PCDHA12: variants seen among roughly 807,000 people sequenced by gnomAD.
PCDHA12 encodes protocadherin alpha-12.
A neutral mutation model predicts 60.0 loss-of-function variants in PCDHA12; 44 were observed. That is an observed-to-expected ratio of 0.73 (90% CI 0.58 to 0.94). The LOEUF is 0.94. PCDHA12 is among the 40% of genes least tolerant of loss of function. The probability of loss-of-function intolerance (pLI) is 0.00; values close to 1 mark genes in which losing one functional copy is unlikely to be tolerated. For missense variants in PCDHA12, 1,276 were observed against 1,239.7 expected (o/e 1.03, Z -0.44); for synonymous variants, 569 against 553.0 (o/e 1.03, Z -0.40).
Position 141,009,658 on chromosome 5 carries a change from C to T in PCDHA12, c.2547C>T (p.Val849=), listed in dbSNP as rs571898721. The T allele has an allele frequency of 6.2e-6, 10 of 1,613,948 alleles. No individual in the cohort carries two copies. Among genetic ancestry groups the T allele is most frequent in the South Asian group, 4.4e-5 (4 of 91,030 alleles). The change falls in exon 4 of 4, where the codon GTC becomes GTT. Residue 849 remains valine, a synonymous_variant. Transcript: ENST00000398631. ...EPEAGEVSPP[V]GAGVNSNSWT... ...AGGCAGGAGAAGTGTCCCCTCCAGT[C>T]GGTGCGGGTGTCAACAGCAACAGCT...
intron 1 of PCDHA12, among the ~76,000 whole-genome samples, chr5:140,922,496 G>A (rs1554200851): frequency 6.6e-6 from 1 of 152,222 alleles, no homozygotes; most frequent in African/African-American, 2.4e-5. Flanking sequence ...ATCTGAGAGT[G>A]AGCAGATGCA....
chr5:140,927,974 T>C (rs1554205324), intron 1 of PCDHA12: 3 of 1,614,098 alleles, frequency 1.9e-6, no homozygotes, highest in Non-Finnish European at 2.5e-6. Context: ...GTGATTGCTC[T>C]CTTTAGTGTA....
intron 1 of PCDHA12, among the ~76,000 whole-genome samples, chr5:140,934,654 T>G (rs1178051306): frequency 6.6e-6 from 1 of 152,168 alleles, no homozygotes; most frequent in African/African-American, 2.4e-5. Flanking sequence ...AATGTTTGAT[T>G]CTTCCCCTTT....
chr5:140,934,925 A>G (rs2090105619), intron 1 of PCDHA12, among the ~76,000 whole-genome samples: 1 of 152,196 alleles, frequency 6.6e-6, no homozygotes, highest in African/African-American at 2.4e-5. Context: ...ATTCACATAA[A>G]GTTACAAAAC....
chr5:140,904,423 T>TTA (rs1304104435), intron 1 of PCDHA12, among the ~76,000 whole-genome samples: 1 of 151,090 alleles, frequency 6.6e-6, no homozygotes. Flanking sequence ...TACATATATT[T>TTA]TATATATATG....
chr5:140,981,685 C>T (rs369964011), intron 2 of PCDHA12, among the ~76,000 whole-genome samples: 1 of 152,048 alleles, frequency 6.6e-6, no homozygotes, highest in African/African-American at 2.4e-5. Flanking sequence ...TTCCTCCCTT[C>T]CATCATTCAT....
chr5:140,891,956 G>T (rs528674370), intron 1 of PCDHA12, among the ~76,000 whole-genome samples: 1 of 152,344 alleles, frequency 6.6e-6, no homozygotes, highest in South Asian at 2.1e-4. Flanking sequence ...CCAGAATTGT[G>T]AGAAGTAAAT....
intron 1 of PCDHA12, among the ~76,000 whole-genome samples, chr5:140,879,326 T>C (rs1554170752): frequency 6.6e-6 from 1 of 152,232 alleles, no homozygotes. Flanking sequence ...CTCACTTTTT[T>C]AGTTTGTTCA....
At chr5:140,927,243 C>A in intron 1 of PCDHA12, 1 of 1,614,132 alleles carries the variant, frequency 6.2e-7, no homozygotes. Flanking sequence ...TCCTGGACAC[C>A]AATGACAACT....
chr5:140,925,124 A>AGGAAGGAAGGAAGGAAGGAAGGAAGG, intron 1 of PCDHA12, among the ~76,000 whole-genome samples: 1 of 151,856 alleles, frequency 6.6e-6, no homozygotes, highest in Non-Finnish European at 1.5e-5. Flanking sequence ...GAAGGAAGGA[A>AGGAAGGAAGGAAGGAAGGAAGGAAGG]AAAAAATTTC....
chr5:140,877,463 C>T lies in PCDHA12; in HGVS notation c.1991C>T (p.Thr664Met), dbSNP rs782373755. Residue 664 changes from threonine to methionine, a missense_variant, in exon 1 of 4, where the codon ACG (threonine) becomes ATG (methionine). Thr to Met is a moderately conservative substitution (Grantham distance 81, BLOSUM62 -1). Transcript: ENST00000398631. ...GAGCCCGCGCTGACGTCCACGGCCA[C>T]GGTGCTGGTGTCGCTGGTGGAGAAC... ...HGEPALTSTA[T>M]VLVSLVENGQ... 6.2e-7 allele frequency: 1 copy of T among 1,613,772 alleles called. No homozygotes were observed. The highest frequency in any genetic ancestry group is 2.2e-5 in the East Asian group (1 of 44,860).
intron 1 of PCDHA12, among the ~76,000 whole-genome samples, chr5:140,916,356 G>A (rs2077538770): frequency 6.6e-6 from 1 of 152,202 alleles, no homozygotes; most frequent in Admixed American, 6.5e-5. Context: ...TCAAACAGAA[G>A]GAGTCTTTCA....
chr5:140,986,371 G>T (rs1453761888), intron 3 of PCDHA12, among the ~76,000 whole-genome samples: 2 of 152,116 alleles, frequency 1.3e-5, no homozygotes, highest in African/African-American at 2.4e-5. Flanking sequence ...AATGCGTTTT[G>T]GGGGGAGGGA....
At position 141,010,430 on chromosome 5, in the gene PCDHA12, A is replaced by T; in HGVS notation, c.*493A>T. On this transcript the variant is annotated 3_prime_UTR_variant, in exon 4 of 4. Transcript: ENST00000398631. ...CTAATTGGTACAAGGAAGGCAAGAA[A>T]ACAAAGACAAATAAACAGCGGAAGT... 9.4e-7 allele frequency: 1 copy of T among 1,058,474 alleles called. No homozygotes were observed. Among genetic ancestry groups the T allele is most frequent in the Non-Finnish European group, 1.3e-6 (1 of 756,992 alleles). 65.6% of individuals were successfully genotyped at this position (1,058,474 alleles called of 1,614,324 possible). A position where few individuals can be genotyped will look rare whatever the true frequency, so the allele number is the denominator to read the frequency against.
chr5:140,936,615 G>T (rs1052104404), intron 1 of PCDHA12, among the ~76,000 whole-genome samples: 1 of 152,178 alleles, frequency 6.6e-6, no homozygotes, highest in Non-Finnish European at 1.5e-5. Context: ...CTGCTACTGT[G>T]CAGTGCTACC....
At chr5:140,941,317 CTCT>C (rs2093029316) in intron 1 of PCDHA12, among the ~76,000 whole-genome samples, 2 of 99,150 alleles carry the variant, frequency 2.0e-5, no homozygotes, top group Non-Finnish European at 4.2e-5. Flanking sequence ...TTTCTTCTTT[CTCT>C]TTTTTTTTTT....
intron 3 of PCDHA12, among the ~76,000 whole-genome samples, chr5:141,007,395 C>CAAAAAAAAAAAA (rs35800918): frequency 6.3e-5 from 6 of 94,866 alleles, no homozygotes; most frequent in Admixed American, 1.2e-4. Flanking sequence ...TACTAAAATA[C>CAAAAAAAAAAAA]AAAAAAAAAA....
intron 1 of PCDHA12, among the ~76,000 whole-genome samples, chr5:140,902,974 AGGTT>A (rs2069912537): frequency 6.6e-6 from 1 of 152,178 alleles, no homozygotes. Context: ...ATGGGCATTT[AGGTT>A]GGTTCCATAT....
intron 1 of PCDHA12, among the ~76,000 whole-genome samples, chr5:140,939,994 G>A (rs2092519687): frequency 6.6e-6 from 1 of 151,998 alleles, no homozygotes; most frequent in African/African-American, 2.4e-5. Flanking sequence ...TTTCTCCTTG[G>A]ATTTTGTCAA....
Sources: gnomAD v4.1 joint callset for allele counts (sites outside exome capture counted in the v4.1 genomes callset) on GRCh38, gnomAD v4.1.1 for gene constraint, MANE v1.5 for transcripts, NCBI Gene and HGNC (gene_info 2026-07-23, HGNC 2026-07-21) for gene names.